The following FAM174A variants were observed in gnomAD, a reference collection of about 807,000 sequenced individuals.
The protein encoded by FAM174A is membrane protein FAM174A.
FAM174A carries 14 observed loss-of-function variants against 14.3 expected under a neutral mutation model. That is an observed-to-expected ratio of 0.98 (90% CI 0.65 to 1.53). The LOEUF (loss-of-function observed/expected upper bound fraction) is 1.53. Ranked by LOEUF, FAM174A falls within the 40% of genes most tolerant of loss-of-function variation. The probability of loss-of-function intolerance (pLI) is 0.00; values close to 1 mark genes in which losing one functional copy is unlikely to be tolerated. For synonymous variants in FAM174A, 108 were observed against 111.4 expected, an observed-to-expected ratio of 0.97 and a Z score of 0.19; for missense variants, 241 against 249.6, an observed-to-expected ratio of 0.97 and a Z score of 0.23.
intron 2 of FAM174A, among the ~76,000 whole-genome samples, chr5:100,567,106 A>G (rs1454872306): frequency 1.3e-5 from 2 of 151,848 alleles, no homozygotes; most frequent in African/African-American, 2.4e-5. Flanking sequence ...TCGAAAGTGA[A>G]AGAACAAGAA....
At chr5:100,572,417 A>G (rs1746807347) in intron 2 of FAM174A, among the ~76,000 whole-genome samples, 1 of 143,728 alleles carries the variant, frequency 7.0e-6, no homozygotes, top group Admixed American at 7.0e-5. Context: ...CCACCCCACA[A>G]CAGTCCCCAG....
chr5:100,555,378 G>T (rs1022245310), intron 1 of FAM174A, among the ~76,000 whole-genome samples: 1 of 152,048 alleles, frequency 6.6e-6, no homozygotes, highest in Non-Finnish European at 1.5e-5. Context: ...GAATAGTGTC[G>T]CAATAAACAT....
chr5:100,575,338 G>A (rs1168039412), intron 2 of FAM174A, among the ~76,000 whole-genome samples: 1 of 151,986 alleles, frequency 6.6e-6, no homozygotes, highest in Admixed American at 6.6e-5. Context: ...TGCCGTGTTG[G>A]TGTGCTGCAC....
chr5:100,536,027 G>A (rs1178508799), intron 1 of FAM174A, 63 bp downstream of exon 1: 2 of 1,439,940 alleles, frequency 1.4e-6, no homozygotes, highest in African/African-American at 2.8e-5. Flanking sequence ...GTGATCTCCA[G>A]CAAGGCTGAC....
chr5:100,553,103 A>G (rs1047641996), intron 1 of FAM174A, among the ~76,000 whole-genome samples: 4 of 152,112 alleles, frequency 2.6e-5, no homozygotes, highest in African/African-American at 9.6e-5. Context: ...TTGTCAACAC[A>G]CATATAGATG....
At position 100,563,614 on chromosome 5, in the gene FAM174A, G is replaced by C. The variant is rs113304620; in HGVS notation, c.569+1426G>C. Among the ~76,000 whole-genome samples the C allele has an allele frequency of 3.4e-3, 515 of 151,928 alleles. 4 individuals are homozygous for C. The highest frequency in any genetic ancestry group is 0.012 in the African/African-American group (490 of 41,492). On this transcript the variant is annotated intron_variant, in intron 2 of 2. Coordinates refer to ENST00000312637, the MANE Select transcript of FAM174A (RefSeq NM_198507.3). The stretch of plus-strand genomic sequence containing the variant: ...ACAGAAAATCAATAAAGAAACCTCT[G>C]ACTTAAACAACACTGTAGACCAGTG...
intron 2 of FAM174A, among the ~76,000 whole-genome samples, chr5:100,574,150 C>T (rs1221956837): frequency 6.6e-6 from 1 of 151,936 alleles, no homozygotes; most frequent in African/African-American, 2.4e-5. Context: ...GACAAAGAAG[C>T]ATACAGTTCC....
At chr5:100,558,277 G>A (rs1480411726) in intron 1 of FAM174A, among the ~76,000 whole-genome samples, 1 of 152,146 alleles carries the variant, frequency 6.6e-6, no homozygotes, top group Non-Finnish European at 1.5e-5. Flanking sequence ...CTGAGTTCTA[G>A]TTTGATTGCA....
At chr5:100,578,181 G>C (rs997249595) in intron 2 of FAM174A, among the ~76,000 whole-genome samples, 1 of 152,038 alleles carries the variant, frequency 6.6e-6, no homozygotes, top group Non-Finnish European at 1.5e-5. Context: ...CTAATCTTCA[G>C]ATTTCAATGA....
At chr5:100,581,524 G>T in intron 2 of FAM174A, 1 of 263,346 alleles carries the variant, frequency 3.8e-6, no homozygotes, top group Non-Finnish European at 5.9e-6. Flanking sequence ...AGGCCAAGGT[G>T]GGCGGATCAC....
At chr5:100,549,889 A>G (rs1444683447) in intron 1 of FAM174A, among the ~76,000 whole-genome samples, 1 of 152,140 alleles carries the variant, frequency 6.6e-6, no homozygotes, top group East Asian at 1.9e-4. Context: ...CACTAATTAT[A>G]ATGATCCTGA....
chr5:100,538,371 T>C, intron 1 of FAM174A, among the ~76,000 whole-genome samples: 1 of 152,142 alleles, frequency 6.6e-6, no homozygotes, highest in Non-Finnish European at 1.5e-5. Context: ...TTTTATTACA[T>C]TGAACTACAT....
At chr5:100,558,864 A>C (rs567732000) in intron 1 of FAM174A, among the ~76,000 whole-genome samples, 1 of 152,246 alleles carries the variant, frequency 6.6e-6, no homozygotes, top group African/African-American at 2.4e-5. Context: ...TGAATACAGC[A>C]CACTGATGGG....
In FAM174A at chr5:100,546,117, C is replaced by T. The variant is rs531201962; in HGVS notation, c.434+10153C>T. ...TTAATACAATAAAATTCTATTTTTC[C>T]TTTAAGAAAATTCAGCTGCAGATTT... On this transcript the variant is annotated intron_variant, in intron 1 of 2. Coordinates refer to ENST00000312637, the MANE Select transcript of FAM174A (RefSeq NM_198507.3). Among the ~76,000 whole-genome samples the T allele has an allele frequency of 2.6e-5, 4 of 152,238 alleles. No individual in the cohort carries two copies. The East Asian group carries it at 5.8e-4, about 22-fold the overall frequency.
At chr5:100,581,502 C>A in intron 2 of FAM174A, 3 of 520,958 alleles carry the variant, frequency 5.8e-6, no homozygotes, top group Non-Finnish European at 7.4e-6. Context: ...CCTGTGATCC[C>A]AACACTTTGG....
rs553866145 is a variant in FAM174A, at chr5:100,555,538, C to G, written c.435-6516C>G. Among the ~76,000 whole-genome samples the G allele has an allele frequency of 3.1e-3, 479 of 152,102 alleles. 4 individuals carry two copies. The highest frequency in any genetic ancestry group is 0.011 in the African/African-American group (446 of 41,466). ...CACAACGGTTGAACTAGTTTACAGT[C>G]CCACCAACAGTGTAAAAGTGTTCCT... On this transcript the variant is annotated intron_variant, in intron 1 of 2. Transcript: ENST00000312637.
intron 1 of FAM174A, among the ~76,000 whole-genome samples, chr5:100,547,869 A>G (rs538033102): frequency 2.8e-4 from 42 of 152,134 alleles, no homozygotes; most frequent in Admixed American, 2.1e-3. Context: ...ATGTATATGA[A>G]TAGGCCTAGG....
At chr5:100,555,211 G>A (rs1746350002) in intron 1 of FAM174A, among the ~76,000 whole-genome samples, 1 of 151,904 alleles carries the variant, frequency 6.6e-6, no homozygotes, top group Non-Finnish European at 1.5e-5. Flanking sequence ...AGTTTGCTGA[G>A]AATGATGGTT....
intron 1 of FAM174A, among the ~76,000 whole-genome samples, chr5:100,541,043 A>G (rs1746040098): frequency 6.6e-6 from 1 of 152,234 alleles, no homozygotes; most frequent in Non-Finnish European, 1.5e-5. Context: ...TTGTAGGACA[A>G]TGCTGAATGT....
Sources: allele counts gnomAD v4.1 joint callset (sites outside exome capture counted in the v4.1 genomes callset), GRCh38; gene constraint gnomAD v4.1.1; transcripts MANE v1.5; gene names NCBI Gene and HGNC (gene_info 2026-07-23, HGNC 2026-07-21).